The following CIT variants were observed in gnomAD, a reference collection of about 807,000 sequenced individuals.
The protein encoded by CIT is citron Rho-interacting kinase.
CIT carries 79 observed loss-of-function variants against 272.7 expected under a neutral mutation model. The ratio of observed to expected loss-of-function variants is 0.29; its 90% CI spans 0.24 to 0.35. The LOEUF is 0.35. Among genes scored for constraint, CIT ranks in the 10% least tolerant of loss-of-function variants. CIT has a pLI of 1.00. For synonymous variants in CIT, 948 were observed against 995.6 expected (o/e 0.95, Z 0.90); for missense variants, 1,909 against 2,618.3 (o/e 0.73, Z 5.91).
At position 119,736,316 on chromosome 12, in the gene CIT, G is replaced by A. The variant is rs548150472; in HGVS notation, c.2959-959C>T. ...GTTTCCAATTTTCAAACCTAGAGTC[G>A]ATTTCGTTTATGAAATGTTGCCATT... On this transcript the variant is annotated intron_variant, in intron 24 of 47. Transcript: ENST00000392521. Among the ~76,000 whole-genome samples, 11 of 152,242 alleles carry A rather than the reference G, an allele frequency of 7.2e-5. No individual in the cohort carries two copies. In the East Asian group the frequency reaches 2.1e-3, roughly 29 times the overall value.
At chr12:119,786,187 G>C (rs1272562154) in intron 10 of CIT, among the ~76,000 whole-genome samples, 1 of 152,092 alleles carries the variant, frequency 6.6e-6, no homozygotes, top group East Asian at 1.9e-4. Context: ...TACGTAAACT[G>C]CCAGTTGATA....
intron 13 of CIT, among the ~76,000 whole-genome samples, chr12:119,779,220 A>G (rs925061173): frequency 6.6e-6 from 1 of 152,018 alleles, no homozygotes. Context: ...ACTCTATCTC[A>G]AATTAATTAA....
intron 32 of CIT, among the ~76,000 whole-genome samples, chr12:119,714,853 A>G (rs1957362612): frequency 6.6e-6 from 1 of 152,220 alleles, no homozygotes. Flanking sequence ...GACTGAAAAC[A>G]TATGTACCCA....
intron 23 of CIT, among the ~76,000 whole-genome samples, chr12:119,746,951 TATAC>T (rs891231098): frequency 6.6e-6 from 1 of 152,208 alleles, no homozygotes; most frequent in African/African-American, 2.4e-5. Context: ...CAATAGAATA[TATAC>T]ATAAAGACAG....
intron 16 of CIT, among the ~76,000 whole-genome samples, chr12:119,774,297 T>A (rs79549679): frequency 6.6e-6 from 1 of 152,084 alleles, no homozygotes; most frequent in African/African-American, 2.4e-5. Context: ...TTTTTTTTTT[T>A]ACCACAATTT....
At chr12:119,849,505 T>A (rs1316320674) in intron 5 of CIT, among the ~76,000 whole-genome samples, 1 of 152,200 alleles carries the variant, frequency 6.6e-6, no homozygotes, top group Non-Finnish European at 1.5e-5. Flanking sequence ...CATTTTCTTA[T>A]AACAACCATG....
At chr12:119,717,288 G>A (rs909921836) in intron 32 of CIT, among the ~76,000 whole-genome samples, 3 of 151,934 alleles carry the variant, frequency 2.0e-5, no homozygotes, top group African/African-American at 7.3e-5. Flanking sequence ...CCAACCTCAG[G>A]TGATCCGCCC....
At chr12:119,704,277 C>T in intron 41 of CIT, 86 bp downstream of exon 41, 1 of 1,280,196 alleles carries the variant, frequency 7.8e-7, no homozygotes, top group East Asian at 2.3e-5. Context: ...AGGCTGTGTC[C>T]CAGGACAGTG....
chr12:119,836,657 G>A (rs1969040868), intron 5 of CIT, among the ~76,000 whole-genome samples: 1 of 152,048 alleles, frequency 6.6e-6, no homozygotes, highest in South Asian at 2.1e-4. Flanking sequence ...TATTTATGAC[G>A]ACACGCCACA....
chr12:119,712,178 A>G lies in CIT; in HGVS notation c.4854T>C (p.Ala1618=), dbSNP rs1226903112. Reference sequence around the variant, plus strand: ...CTCCAGGGCCCGCTTTCATACTCACAGCATCAGCTTCTGCTTTTTCCCTAG... The same window carrying G: ...CTCCAGGGCCCGCTTTCATACTCACGGCATCAGCTTCTGCTTTTTCCCTAG... ...RVSREKAEAD[A]KLLGNSLLKL... Residue 1618 remains alanine, a splice_region_variant and synonymous_variant, in exon 37 of 48, where the codon GCT becomes GCC. Coordinates refer to ENST00000392521, the MANE Select transcript of CIT (RefSeq NM_001206999.2). The surrounding 1 kb of genome is among the most constrained non-coding windows in gnomAD (Gnocchi z 5.2). The G allele has an allele frequency of 6.3e-7, 1 of 1,589,690 alleles. No homozygotes were observed. Among genetic ancestry groups the G allele is most frequent in the Non-Finnish European group, 8.6e-7 (1 of 1,166,934 alleles).
chr12:119,712,467 CG>C lies in CIT; in HGVS notation c.4685-121del, dbSNP rs1957214597. On this transcript the variant is annotated intron_variant, in intron 36 of 47. Coordinates refer to ENST00000392521, the MANE Select transcript of CIT (RefSeq NM_001206999.2). This position sits in a 1 kb window ranked among gnomAD's most constrained non-coding sequence, Gnocchi z 5.2. Reference sequence around the variant, plus strand: ...ACGCAAATCCCAGTTACCGCCAAGGCGGGGAGCGGAGGAAGATGGGCCTCCT... The same window carrying C: ...ACGCAAATCCCAGTTACCGCCAAGGCGGGAGCGGAGGAAGATGGGCCTCCT... The C allele has an allele frequency of 2.1e-6, 3 of 1,407,424 alleles. No individual in the cohort carries two copies. The highest frequency in any genetic ancestry group is 1.9e-5 in the Admixed American group (1 of 52,656). The allele number at this position is 1,407,424 out of a possible 1,614,324, so 87.2% of individuals were successfully genotyped here.
chr12:119,792,910 C>T (rs1339666568), intron 10 of CIT, among the ~76,000 whole-genome samples: 4 of 151,822 alleles, frequency 2.6e-5, no homozygotes, highest in Non-Finnish European at 5.9e-5. Context: ...TGTCTTGAGC[C>T]GAGATAGCGC....
At position 119,701,634 on chromosome 12, in the gene CIT, C is replaced by G. The variant is rs1485101378; in HGVS notation, c.5532G>C (p.Leu1844=). Residue 1844 remains leucine, a synonymous_variant, in exon 43 of 48, where the codon CTG becomes CTC. Transcript: ENST00000392521. ...GCAGCCACGACTCACCGTGGAAACA[C>G]AGCAAGTACTCCTCTCGCTGCCCTG... ...NSAGQREEYL[L]CFHEFGVFVD... The G allele has an allele frequency of 6.2e-7, 1 of 1,614,008 alleles. No individual in the cohort carries two copies. Among genetic ancestry groups the G allele is most frequent in the Admixed American group, 1.7e-5 (1 of 60,020 alleles).
intron 44 of CIT, chr12:119,699,766 C>T (rs542713926): frequency 4.6e-5 from 21 of 455,894 alleles, no homozygotes; most frequent in Admixed American, 1.4e-4. Context: ...AGTCAAGCCA[C>T]GGAGTTGGGG....
rs1964625527 is a variant in CIT, at chr12:119,784,845, C to A, written c.1401+115G>T. The A allele has an allele frequency of 6.8e-7, 1 of 1,476,724 alleles. No individual in the cohort carries two copies. Among genetic ancestry groups the A allele is most frequent in the African/African-American group, 1.4e-5 (1 of 70,560 alleles). 91.5% of individuals were successfully genotyped at this position (1,476,724 alleles called of 1,614,324 possible). The stretch of plus-strand genomic sequence containing the variant: ...GACTTCAGCGAAGGCAGGAGCGCCT[C>A]ACTCTCTACGGATCAGGCGGCTCAG... On this transcript the variant is annotated intron_variant, in intron 11 of 47. Transcript: ENST00000392521. This position sits in a 1 kb window ranked among gnomAD's most constrained non-coding sequence, Gnocchi z 4.7.
rs76836805 is a variant in CIT at position 119,719,404 on chromosome 12, C to T, written c.3841-543G>A. 1.4e-4 allele frequency among the ~76,000 whole-genome samples: 21 copies of T among 151,350 alleles called. No homozygotes were observed. The East Asian group carries it at 4.1e-3, about 29-fold the overall frequency. ...GAAAAAAAAGGAAAACAGAATAATG[C>T]AACTTAAAAAAAAGGTAACTAAAAA... On this transcript the variant is annotated intron_variant, in intron 30 of 47. Coordinates refer to ENST00000392521, the MANE Select transcript of CIT (RefSeq NM_001206999.2).
intron 28 of CIT, among the ~76,000 whole-genome samples, chr12:119,722,927 C>T (rs1041220557): frequency 6.6e-6 from 1 of 152,144 alleles, no homozygotes; most frequent in Non-Finnish European, 1.5e-5. Context: ...CAGTGGCTCA[C>T]ACCTGAAATC....
At chr12:119,733,111 T>C (rs544722838) in intron 26 of CIT, among the ~76,000 whole-genome samples, 2 of 152,208 alleles carry the variant, frequency 1.3e-5, no homozygotes, top group East Asian at 3.9e-4. Flanking sequence ...GAGTATGCAA[T>C]TGTGCCACTG....
chr12:119,794,315 G>A (rs768006195), intron 10 of CIT, among the ~76,000 whole-genome samples: 5 of 152,122 alleles, frequency 3.3e-5, no homozygotes, highest in Admixed American at 1.3e-4. Context: ...AGTGAATGGT[G>A]TGCTAGTACT....
Sources: gnomAD v4.1 joint callset for allele counts (sites outside exome capture counted in the v4.1 genomes callset) on GRCh38, gnomAD v4.1.1 for gene constraint, Gnocchi (gnomAD v3.1) non-coding constraint, MANE v1.5 for transcripts, NCBI Gene and HGNC (gene_info 2026-07-23, HGNC 2026-07-21) for gene names.